SLC27A1: variants seen among roughly 807,000 people sequenced by gnomAD.
SLC27A1 encodes the protein solute carrier family 27 member 1.
SLC27A1 carries 61 observed loss-of-function variants against 62.2 expected under a neutral mutation model. The ratio of observed to expected loss-of-function variants is 0.98; its 90% CI spans 0.80 to 1.21. The LOEUF (loss-of-function observed/expected upper bound fraction) is 1.21. Ranked by LOEUF, SLC27A1 falls within the 50% of genes most tolerant of loss-of-function variation. The pLI is 0.00. For synonymous variants in SLC27A1, 435 were observed against 408.6 expected (o/e 1.06, Z -0.78); for missense variants, 903 against 932.1 (o/e 0.97, Z 0.41).
At chr19:17,479,931 C>G (rs1023622015) in intron 1 of SLC27A1, among the ~76,000 whole-genome samples, 1 of 150,900 alleles carries the variant, frequency 6.6e-6, no homozygotes, top group Non-Finnish European at 1.5e-5. Flanking sequence ...GGCGTGAGCC[C>G]CTGTGCCCAG....
At chr19:17,473,816 C>G (rs576625002) in intron 1 of SLC27A1, among the ~76,000 whole-genome samples, 1 of 152,240 alleles carries the variant, frequency 6.6e-6, no homozygotes, top group Non-Finnish European at 1.5e-5. Context: ...GAGCCAAGAT[C>G]GTGCCATTAC....
intron 1 of SLC27A1, among the ~76,000 whole-genome samples, chr19:17,482,816 C>T (rs1304665997): frequency 6.6e-6 from 1 of 152,092 alleles, no homozygotes; most frequent in Non-Finnish European, 1.5e-5. Flanking sequence ...AGGGCAGATG[C>T]CCTAGGTACT....
Position 17,497,257 on chromosome 19 carries a change from G to A in SLC27A1, c.999G>A (p.Val333=). The A allele has an allele frequency of 4.4e-6, 7 of 1,591,462 alleles. No individual in the cohort carries two copies. In the Admixed American group the frequency reaches 1.3e-4, roughly 30 times the overall value. Residue 333 remains valine (V), a splice_region_variant and synonymous_variant, in exon 7 of 12, where the codon GTG becomes GTA. Coordinates refer to ENST00000252595, the MANE Select transcript of SLC27A1 (RefSeq NM_198580.3). The stretch of plus-strand genomic sequence containing the variant: ...CACTTCCTCACCCCGTCCCCCAGGT[G>A]GTTCAGTACATCGGGGAGATCTGCC... ...WDDCIKYNCT[V]VQYIGEICRY...
At chr19:17,498,600 G>C (rs1045732932) in intron 7 of SLC27A1, 2 of 205,550 alleles carry the variant, frequency 9.7e-6, no homozygotes, top group African/African-American at 4.7e-5. Flanking sequence ...GTGCGGAGAC[G>C]AGAGATTGTA....
At position 17,497,419 on chromosome 19, in the gene SLC27A1, C is replaced by T. The variant is rs1406949302; in HGVS notation, c.1161C>T (p.Tyr387=). ...RFGVRQIGEF[Y]GATECNCSIA... ...GCGTACGCCAAATCGGGGAGTTCTA[C>T]GGCGCCACCGAGTGCAACTGCAGCA... Residue 387 remains tyrosine (Y), a synonymous_variant, in exon 7 of 12, where the codon TAC becomes TAT. Coordinates refer to ENST00000252595, the MANE Select transcript of SLC27A1 (RefSeq NM_198580.3). The T allele has an allele frequency of 2.5e-6, 4 of 1,604,276 alleles. No individual in the cohort carries two copies. The highest frequency in any genetic ancestry group is 2.7e-5 in the African/African-American group (2 of 74,122).
chr19:17,490,446 A>T (rs1318721685), intron 6 of SLC27A1, among the ~76,000 whole-genome samples: 1 of 151,230 alleles, frequency 6.6e-6, no homozygotes, highest in Non-Finnish European at 1.5e-5. Flanking sequence ...GAGCCACTGT[A>T]CCCAGCCCAA....
chr19:17,489,248 T>TCCCGTCCTCTCCCAGCCAGGC, intron 6 of SLC27A1, 131 bp downstream of exon 6: 1 of 713,506 alleles, frequency 1.4e-6, no homozygotes, highest in East Asian at 2.7e-5. Flanking sequence ...CCTGGTCAGG[T>TCCCGTCCTCTCCCAGCCAGGC]CCCGTCCTCT....
intron 1 of SLC27A1, among the ~76,000 whole-genome samples, chr19:17,483,248 G>T (rs1012693631): frequency 6.6e-6 from 1 of 152,136 alleles, no homozygotes; most frequent in Non-Finnish European, 1.5e-5. Context: ...GGGCTCCCAG[G>T]GTAGAACAGA....
intron 1 of SLC27A1, among the ~76,000 whole-genome samples, chr19:17,474,453 C>T (rs1055442638): frequency 6.6e-6 from 1 of 152,154 alleles, no homozygotes; most frequent in African/African-American, 2.4e-5. Flanking sequence ...CTCTCCAGCT[C>T]TGCTCCCATG....
Position 17,487,171 on chromosome 19 carries a change from C to T in SLC27A1, c.563-3C>T. ...ACCATGACCCATGTGTTGGGGACCACAGCGGTGGCCGAAGTGAGCGGGCAT... is the reference window on the plus strand; with the variant it reads ...ACCATGACCCATGTGTTGGGGACCATAGCGGTGGCCGAAGTGAGCGGGCAT... On this transcript the variant is annotated splice_polypyrimidine_tract_variant and splice_region_variant and intron_variant, in intron 2 of 11. Coordinates refer to ENST00000252595, the MANE Select transcript of SLC27A1 (RefSeq NM_198580.3). 2 of 1,614,040 alleles carry T rather than the reference C, an allele frequency of 1.2e-6. No individual in the cohort carries two copies. Among genetic ancestry groups the T allele is most frequent in the South Asian group, 2.2e-5 (2 of 91,072 alleles).
At position 17,487,248 on chromosome 19, in the gene SLC27A1, A is replaced by G; in HGVS notation, c.637A>G (p.Ile213Val). The change falls in exon 3 of 12, where the codon ATC (isoleucine) becomes GTC (valine). Residue 213 changes from isoleucine (I) to valine (V), a missense_variant. Coordinates refer to ENST00000252595, the MANE Select transcript of SLC27A1 (RefSeq NM_198580.3). Reference sequence around the variant, plus strand: ...CTCTGGAGACTTGGGGCCCGAGGGCATCTTGCCGGACACCCACCTCCTGGA... The same window carrying G: ...CTCTGGAGACTTGGGGCCCGAGGGCGTCTTGCCGGACACCCACCTCCTGGA... ...FCSGDLGPEG[I>V]LPDTHLLDPL... 7 of 1,614,064 alleles carry G rather than the reference A, an allele frequency of 4.3e-6. No individual in the cohort carries two copies. Among genetic ancestry groups the G allele is most frequent in the Non-Finnish European group, 5.9e-6 (7 of 1,179,980 alleles).
Position 17,487,000 on chromosome 19 carries a change from TGGCCCCTGGGCGGGCGGGGAG to T in SLC27A1, c.562+44_562+64del. 1 of 1,528,882 alleles carries T rather than the reference TGGCCCCTGGGCGGGCGGGGAG, an allele frequency of 6.5e-7. No homozygotes were observed. Among genetic ancestry groups the T allele is most frequent in the Non-Finnish European group, 8.8e-7 (1 of 1,138,626 alleles). The allele number at this position is 1,528,882 out of a possible 1,614,324, so 94.7% of individuals were successfully genotyped here. A position where few individuals can be genotyped will look rare whatever the true frequency, so the allele number is the denominator to read the frequency against. ...CATCAGGTGGGCGGGGACCCAGGAC[TGGCCCCTGGGCGGGCGGGGAG>T]ATGCTGCGCCCCAGGCCTCGGAAGG... On this transcript the variant is annotated intron_variant, in intron 2 of 11. Transcript: ENST00000252595. This position sits in a 1 kb window ranked among gnomAD's most constrained non-coding sequence, Gnocchi z 6.6.
At chr19:17,502,711 G>A (rs146574438) in intron 11 of SLC27A1, among the ~76,000 whole-genome samples, 4,208 of 148,116 alleles carry the variant, frequency 0.028, 189 homozygotes, top group African/African-American at 0.094. Context: ...TTTGAGACAG[G>A]GTCTTACTCT....
chr19:17,491,698 C>A (rs555487563), intron 6 of SLC27A1, among the ~76,000 whole-genome samples: 4 of 151,882 alleles, frequency 2.6e-5, no homozygotes, highest in African/African-American at 9.7e-5. Context: ...ATAGTGAGTC[C>A]CTCATCTCTA....
intron 1 of SLC27A1, among the ~76,000 whole-genome samples, chr19:17,479,433 T>G (rs2075154549): frequency 6.6e-6 from 1 of 152,178 alleles, no homozygotes; most frequent in Non-Finnish European, 1.5e-5. Flanking sequence ...CCCATTCTTG[T>G]GCAGGCTGCC....
intron 1 of SLC27A1, among the ~76,000 whole-genome samples, chr19:17,481,352 T>TGTC (rs2075176695): frequency 6.8e-6 from 1 of 147,234 alleles, no homozygotes; most frequent in Non-Finnish European, 1.5e-5. Flanking sequence ...AGTCTCAATC[T>TGTC]GTCACCCAGG....
chr19:17,471,776 C>T (rs1297775024), intron 1 of SLC27A1, among the ~76,000 whole-genome samples: 1 of 152,144 alleles, frequency 6.6e-6, no homozygotes, highest in Non-Finnish European at 1.5e-5. Context: ...CATGCCATGG[C>T]CCCCTGCCCC....
intron 1 of SLC27A1, among the ~76,000 whole-genome samples, chr19:17,481,782 C>CTT (rs2075181078): frequency 6.6e-6 from 1 of 152,230 alleles, no homozygotes; most frequent in Admixed American, 6.5e-5. Context: ...GCTGGGATTA[C>CTT]AGGCATGAGC....
At chr19:17,479,598 T>A (rs1258322492) in intron 1 of SLC27A1, among the ~76,000 whole-genome samples, 5 of 152,106 alleles carry the variant, frequency 3.3e-5, no homozygotes, top group South Asian at 2.1e-4. Flanking sequence ...TTTTATTTTT[T>A]AAATTTTTGA....
Sources: gnomAD v4.1 joint callset for allele counts (sites outside exome capture counted in the v4.1 genomes callset) on GRCh38, gnomAD v4.1.1 for gene constraint, Gnocchi (gnomAD v3.1) non-coding constraint, MANE v1.5 for transcripts, NCBI Gene and HGNC (gene_info 2026-07-23, HGNC 2026-07-21) for gene names.